ATP8A2: variants seen among roughly 807,000 people sequenced by gnomAD.
The protein encoded by ATP8A2 is phospholipid-transporting ATPase IB.
ATP8A2 carries 100 observed loss-of-function variants against 165.6 expected under a neutral mutation model. That is an observed-to-expected ratio of 0.60 (90% confidence interval 0.51 to 0.71). The LOEUF (loss-of-function observed/expected upper bound fraction) is 0.71. Among genes scored for constraint, ATP8A2 ranks in the 30% least tolerant of loss-of-function variants. The pLI, the probability that ATP8A2 is intolerant of heterozygous loss-of-function variation, is 0.00. For missense variants in ATP8A2, 1,227 were observed against 1,479.5 expected (o/e 0.83, Z 2.80); for synonymous variants, 543 against 548.8 (o/e 0.99, Z 0.15).
At chr13:25,639,244 A>G (rs1303414455) in intron 24 of ATP8A2, among the ~76,000 whole-genome samples, 2 of 152,230 alleles carry the variant, frequency 1.3e-5, no homozygotes, top group African/African-American at 4.8e-5. Context: ...TCAAATTCAC[A>G]CATAACAATA....
intron 33 of ATP8A2, among the ~76,000 whole-genome samples, chr13:25,889,290 T>TA (rs1180398458): frequency 8.3e-6 from 1 of 120,684 alleles, no homozygotes; most frequent in East Asian, 2.3e-4. Context: ...TAAATGATTT[T>TA]AAAAAATAAT....
chr13:25,656,855 C>A (rs574079251), intron 24 of ATP8A2, among the ~76,000 whole-genome samples: 10 of 151,168 alleles, frequency 6.6e-5, no homozygotes, highest in Non-Finnish European at 1.2e-4. Flanking sequence ...GAGTTCAAAA[C>A]TAGCCTGGGT....
intron 2 of ATP8A2, among the ~76,000 whole-genome samples, chr13:25,496,286 A>G (rs538176827): frequency 7.2e-5 from 11 of 152,260 alleles, no homozygotes; most frequent in African/African-American, 2.4e-4. Flanking sequence ...GCTCTGGGGA[A>G]ACTGAGAGTC....
intron 33 of ATP8A2, among the ~76,000 whole-genome samples, chr13:25,954,141 G>A (rs1393489069): frequency 6.6e-6 from 1 of 152,210 alleles, no homozygotes; most frequent in East Asian, 1.9e-4. Context: ...GCTGTCTGAA[G>A]TTGACCTGGG....
intron 24 of ATP8A2, among the ~76,000 whole-genome samples, chr13:25,667,358 C>G (rs2042175874): frequency 6.6e-6 from 1 of 152,050 alleles, no homozygotes; most frequent in South Asian, 2.1e-4. Context: ...GGGAGTGGAT[C>G]CTTCATGAAT....
At position 25,901,408 on chromosome 13, in the gene ATP8A2, G is replaced by GA. The variant is rs796840011; in HGVS notation, c.3183+39012dup. Among the ~76,000 whole-genome samples the GA allele has an allele frequency of 5.4e-3, 740 of 136,086 alleles. 6 individuals carry two copies. Among genetic ancestry groups the GA allele is most frequent in the African/African-American group, 0.014 (524 of 37,420 alleles). The allele number at this position is 136,086 out of a possible 152,430, so 89.3% of individuals were successfully genotyped here. A position where few individuals can be genotyped will look rare whatever the true frequency, so the allele number is the denominator to read the frequency against. On this transcript the variant is annotated intron_variant, in intron 33 of 36. Transcript: ENST00000381655. ...CAGTAGAATTTATGTTTATGTGAAA[G>GA]AAAAAAAAAAAACCACATGTTACTT...
At chr13:25,902,850 G>C (rs1306430793) in intron 33 of ATP8A2, among the ~76,000 whole-genome samples, 1 of 151,818 alleles carries the variant, frequency 6.6e-6, no homozygotes, top group Non-Finnish European at 1.5e-5. Context: ...CCAGTTTTCA[G>C]TACGACATTT....
intron 35 of ATP8A2, among the ~76,000 whole-genome samples, chr13:26,006,243 A>C (rs1011920345): frequency 4.6e-5 from 7 of 151,806 alleles, no homozygotes; most frequent in African/African-American, 1.7e-4. Flanking sequence ...CTTTGGTTAA[A>C]ATTATTCCCG....
At chr13:25,607,876 A>G (rs1037992011) in intron 24 of ATP8A2, among the ~76,000 whole-genome samples, 6 of 152,192 alleles carry the variant, frequency 3.9e-5, no homozygotes, top group African/African-American at 9.6e-5. Context: ...TTGTTAACCA[A>G]ATTTATTTGA....
intron 11 of ATP8A2, 107 bp downstream of exon 11, chr13:25,551,610 T>G: frequency 1.9e-6 from 2 of 1,068,064 alleles, no homozygotes; most frequent in Non-Finnish European, 2.7e-6. Context: ...CTGTTCCCTT[T>G]GGTTACTGTA....
chr13:25,869,356 C>A lies in ATP8A2; in HGVS notation c.3183+6948C>A, dbSNP rs376806552. On this transcript the variant is annotated intron_variant, in intron 33 of 36. Transcript: ENST00000381655. The stretch of plus-strand genomic sequence containing the variant: ...AGTGGTTTCAGATTCTTTCTACAGG[C>A]GGTGATGGGAACAGAACTCCCGTTA... Among the ~76,000 whole-genome samples, 226 of 152,154 alleles carry A rather than the reference C, an allele frequency of 1.5e-3. 2 individuals carry two copies. The highest frequency in any genetic ancestry group is 5.1e-3 in the African/African-American group (210 of 41,450).
intron 25 of ATP8A2, among the ~76,000 whole-genome samples, chr13:25,758,276 A>G (rs1270412334): frequency 6.6e-6 from 1 of 152,222 alleles, no homozygotes; most frequent in Non-Finnish European, 1.5e-5. Context: ...AAGAAAAAAG[A>G]GCTGTGTTTT....
At chr13:25,698,702 C>T (rs957498330) in intron 24 of ATP8A2, among the ~76,000 whole-genome samples, 8 of 152,060 alleles carry the variant, frequency 5.3e-5, no homozygotes, top group East Asian at 1.9e-4. Context: ...TTATTTCTTA[C>T]GCTGGCAATG....
chr13:25,866,517 T>C (rs1306689328), intron 33 of ATP8A2, among the ~76,000 whole-genome samples: 2 of 152,126 alleles, frequency 1.3e-5, no homozygotes, highest in African/African-American at 4.8e-5. Context: ...TGTTTTTGAG[T>C]AAGGTCTATT....
chr13:25,981,837 T>G (rs1956174846), intron 35 of ATP8A2, among the ~76,000 whole-genome samples: 1 of 152,076 alleles, frequency 6.6e-6, no homozygotes, highest in Non-Finnish European at 1.5e-5. Context: ...TTTGAGAGAG[T>G]AAGGCACATT....
Position 25,571,659 on chromosome 13 carries a change from A to G in ATP8A2, c.1629A>G (p.Thr543=), listed in dbSNP as rs1486378338. Residue 543 remains threonine, a synonymous_variant, in exon 18 of 37, where the codon ACA becomes ACG. Transcript: ENST00000381655. ...CTAAAAAGCTGGGCTTTGTCTTCAC[A>G]GCCAGAACACCATTCTCAGTCATCA... ...KGAKKLGFVF[T]ARTPFSVIIE... The G allele has an allele frequency of 6.2e-7, 1 of 1,614,150 alleles. No homozygotes were observed. The highest frequency in any genetic ancestry group is 8.5e-7 in the Non-Finnish European group (1 of 1,179,988).
chr13:25,679,989 T>C (rs1049433949), intron 24 of ATP8A2, among the ~76,000 whole-genome samples: 4 of 152,190 alleles, frequency 2.6e-5, no homozygotes, highest in Non-Finnish European at 5.9e-5. Context: ...CAGTAGCTTC[T>C]AGAACAAAAC....
intron 35 of ATP8A2, among the ~76,000 whole-genome samples, chr13:26,000,399 T>A (rs1296033151): frequency 6.6e-6 from 1 of 152,186 alleles, no homozygotes; most frequent in South Asian, 2.1e-4. Context: ...CATGTGTGAT[T>A]TTTGCAGGAA....
chr13:25,647,975 C>A (rs771497606), intron 24 of ATP8A2, among the ~76,000 whole-genome samples: 1 of 152,130 alleles, frequency 6.6e-6, no homozygotes, highest in African/African-American at 2.4e-5. Flanking sequence ...AGACATGAGC[C>A]ACTGCACCCG....
Sources: allele counts gnomAD v4.1 joint callset (sites outside exome capture counted in the v4.1 genomes callset), GRCh38; gene constraint gnomAD v4.1.1; transcripts MANE v1.5; gene names NCBI Gene and HGNC (gene_info 2026-07-23, HGNC 2026-07-21).